The following KLC3 variants were observed in gnomAD, a reference collection of about 807,000 sequenced individuals.
KLC3 encodes the protein kinesin light chain 3, also known as kinesin light chain 2.
A neutral mutation model predicts 62.9 loss-of-function variants in KLC3; 72 were observed. The observed-to-expected ratio is 1.15, with a 90% CI of 0.95 to 1.39. The LOEUF is 1.39. Among genes scored for constraint, KLC3 ranks in the 40% most tolerant of loss-of-function variants. KLC3 has a pLI of 0.00. For synonymous variants in KLC3, 377 were observed against 300.5 expected, an observed-to-expected ratio of 1.25 and a Z score of -2.63; for missense variants, 848 against 691.6, an observed-to-expected ratio of 1.23 and a Z score of -2.54.
chr19:45,350,502 C>T lies in KLC3; in HGVS notation c.1235-12C>T. 6.2e-7 allele frequency: 1 copy of T among 1,613,912 alleles called. No individual in the cohort carries two copies. Among genetic ancestry groups the T allele is most frequent in the Non-Finnish European group, 8.5e-7 (1 of 1,179,900 alleles). ...ATGTCCCCATCTCAGTGTCCCCCAT[C>T]TTTCCCCCTAGGTGCCCCCAACACA... On this transcript the variant is annotated splice_polypyrimidine_tract_variant and intron_variant, in intron 9 of 12. Transcript: ENST00000391946.
intron 1 of KLC3, among the ~76,000 whole-genome samples, chr19:45,342,223 G>A (rs1971410274): frequency 6.6e-6 from 1 of 152,112 alleles, no homozygotes; most frequent in South Asian, 2.1e-4. Context: ...GAACCTGTGT[G>A]GTTGTGAGTT....
chr19:45,343,039 A>G (rs1971423076), intron 1 of KLC3, among the ~76,000 whole-genome samples: 1 of 152,154 alleles, frequency 6.6e-6, no homozygotes, highest in Non-Finnish European at 1.5e-5. Context: ...GCTGAATCTG[A>G]GTACTTGTGT....
intron 4 of KLC3, 141 bp downstream of exon 4, chr19:45,347,657 G>A: frequency 1.3e-6 from 1 of 773,908 alleles, no homozygotes; most frequent in Non-Finnish European, 2.1e-6. Flanking sequence ...TGACAGTGCA[G>A]GTGAGGCTGG....
intron 1 of KLC3, among the ~76,000 whole-genome samples, chr19:45,344,126 C>T (rs1046982358): frequency 4.0e-5 from 6 of 150,882 alleles, no homozygotes; most frequent in African/African-American, 1.5e-4. Context: ...GCCACCGCAC[C>T]CGGCCTACAT....
In KLC3 at chr19:45,347,922, C is replaced by G. The variant is rs760918491; in HGVS notation, c.560-19C>G. 1.9e-6 allele frequency: 3 copies of G among 1,575,324 alleles called. No homozygotes were observed. On this transcript the variant is annotated intron_variant, in intron 4 of 12. Coordinates refer to ENST00000391946, the MANE Select transcript of KLC3 (RefSeq NM_177417.3). ...GCAGGAGGCTTGCAGTGACCCAGAG[C>G]CCACCCCACCCCACCTAGGTCCTGA...
At chr19:45,350,805 CCACCCCCA>C in intron 11 of KLC3, 58 bp downstream of exon 11, 3 of 1,318,966 alleles carry the variant, frequency 2.3e-6, no homozygotes, top group Non-Finnish European at 2.1e-6. Flanking sequence ...ACAGCCCACC[CCACCCCCA>C]CCCCCATCTT....
Position 45,346,774 on chromosome 19 carries a change from G to A in KLC3, c.489G>A (p.Gln163=). Residue 163 remains glutamine, a splice_region_variant and synonymous_variant, in exon 3 of 13, where the codon CAG becomes CAA. Transcript: ENST00000391946. ...LRQYDPPAES[Q]QSESPPRRDS... is the part of the protein sequence containing the mutation. ...AGTACGACCCACCGGCGGAGAGCCA[G>A]GTGCCACGGGCAGGGCGAGGCGGGG... 6.4e-7 allele frequency: 1 copy of A among 1,572,038 alleles called. No homozygotes were observed. The highest frequency in any genetic ancestry group is 8.6e-7 in the Non-Finnish European group (1 of 1,159,678).
intron 8 of KLC3, chr19:45,350,008 G>T: frequency 2.2e-6 from 1 of 444,670 alleles, no homozygotes; most frequent in Non-Finnish European, 4.1e-6. Flanking sequence ...CAGCAGACAG[G>T]CTCAGAAACA....
intron 5 of KLC3, 118 bp downstream of exon 5, chr19:45,348,278 G>C (rs1422314734): frequency 1.1e-6 from 1 of 927,048 alleles, no homozygotes; most frequent in African/African-American, 1.7e-5. Context: ...GTCAGGGGAG[G>C]GGACAGCAAG....
Position 45,348,726 on chromosome 19 carries a change from ACCCCGCGGTGAGTGGGG to A in KLC3, c.865_867+14del. 4.4e-6 allele frequency: 7 copies of A among 1,587,576 alleles called. No individual in the cohort carries two copies. The highest frequency in any genetic ancestry group is 6.0e-6 in the Non-Finnish European group (7 of 1,167,402). ...CGGGAGCAGACGCTGGGCCCTGAGC[ACCCCGCGGTGAGTGGGG>A]CCCCAGGGAGACGAAGTGGGGTCAA... is the stretch of plus-strand genomic sequence containing the variant. On this transcript the variant is annotated splice_donor_variant and splice_donor_5th_base_variant and coding_sequence_variant and intron_variant, in exon 6 of 13. Transcript: ENST00000391946. LOFTEE classifies it high-confidence loss of function.
intron 1 of KLC3, among the ~76,000 whole-genome samples, chr19:45,342,490 T>C (rs1568519824): frequency 6.6e-6 from 1 of 152,118 alleles, no homozygotes; most frequent in Non-Finnish European, 1.5e-5. Context: ...CTGGGCGCGG[T>C]AGCTCACGCC....
chr19:45,349,033 T>TTGGGAGACCCCAGTTGGAGCC (rs1971587863), intron 7 of KLC3, 112 bp downstream of exon 7: 1 of 913,238 alleles, frequency 1.1e-6, no homozygotes, highest in African/African-American at 1.7e-5. Context: ...GCGTTTGGTA[T>TTGGGAGACCCCAGTTGGAGCC]TGGGAGACCC....
rs1213576214 is a variant in KLC3, at chr19:45,346,610, GC to G, written c.328del (p.Arg110GlyfsTer105). ...EAEKQRLRSQARRLAQENVWL... is the reference protein window; with the variant it reads ...EAEKQRLRSQXRRLAQENVWL... Reference sequence around the variant, plus strand: ...AGAGAAGCAGCGGCTGCGCTCGCAGGCCCGGCGGCTGGCCCAGGAGAACGTG... The same window carrying G: ...AGAGAAGCAGCGGCTGCGCTCGCAGGCCGGCGGCTGGCCCAGGAGAACGTG... On this transcript the variant is annotated frameshift_variant, in exon 3 of 13. Coordinates refer to ENST00000391946, the MANE Select transcript of KLC3 (RefSeq NM_177417.3). LOFTEE classifies it high-confidence loss of function. 6.4e-7 allele frequency: 1 copy of G among 1,550,776 alleles called. No homozygotes were observed. Among genetic ancestry groups the G allele is most frequent in the Admixed American group, 2.0e-5 (1 of 51,014 alleles).
At chr19:45,347,818 T>TG in intron 4 of KLC3, 123 bp from the exon 5 acceptor site, 2 of 794,322 alleles carry the variant, frequency 2.5e-6, no homozygotes, top group South Asian at 3.4e-5. Flanking sequence ...GAAGTTAGCG[T>TG]GGGGGCCCAT....
intron 8 of KLC3, chr19:45,349,860 G>C: frequency 2.0e-6 from 1 of 505,454 alleles, no homozygotes; most frequent in Non-Finnish European, 3.5e-6. Flanking sequence ...CATTTATTGA[G>C]CTCACTGTGG....
rs956573242 is a variant in KLC3 at position 45,342,582 on chromosome 19, A to G, written c.-9+1736A>G. On this transcript the variant is annotated intron_variant, in intron 1 of 12. Coordinates refer to ENST00000391946, the MANE Select transcript of KLC3 (RefSeq NM_177417.3). ...GGAGTTTGAGACCAGCCCGGCCAAC[A>G]TGGTGAAACCCCGTCTGTACTAAAA... 3.9e-5 allele frequency among the ~76,000 whole-genome samples: 6 copies of G among 152,120 alleles called. No individual in the cohort carries two copies. In the South Asian group the frequency reaches 6.2e-4, roughly 16 times the overall value.
In KLC3 at chr19:45,350,475, C is replaced by CTA. The variant is rs761167450; in HGVS notation, c.1235-37_1235-36dup. The CTA allele has an allele frequency of 4.3e-6, 7 of 1,613,394 alleles. No individual in the cohort carries two copies. In the South Asian group the frequency reaches 6.6e-5, roughly 15 times the overall value. On this transcript the variant is annotated intron_variant, in intron 9 of 12. Coordinates refer to ENST00000391946, the MANE Select transcript of KLC3 (RefSeq NM_177417.3). The stretch of plus-strand genomic sequence containing the variant: ...TCTGTCTTCCCTCCTGGTGGCTTCT[C>CTA]TATGTCCCCATCTCAGTGTCCCCCA...
At chr19:45,345,863 T>C in intron 2 of KLC3, 64 bp downstream of exon 2, 1 of 1,469,304 alleles carries the variant, frequency 6.8e-7, no homozygotes, top group Non-Finnish European at 9.0e-7. Context: ...GGGCCAGGCA[T>C]GAGGGGGACA....
intron 8 of KLC3, 51 bp from the exon 9 acceptor site, chr19:45,350,290 A>G: frequency 7.3e-7 from 1 of 1,367,846 alleles, no homozygotes; most frequent in Non-Finnish European, 1.0e-6. Flanking sequence ...GACTGGATGC[A>G]GTGTTGGGAA....
Sources: gnomAD v4.1 joint callset for allele counts (sites outside exome capture counted in the v4.1 genomes callset) on GRCh38, gnomAD v4.1.1 for gene constraint, MANE v1.5 for transcripts, NCBI Gene and HGNC (gene_info 2026-07-23, HGNC 2026-07-21) for gene names.